The following MYO9A variants were observed in gnomAD, a reference collection of about 807,000 sequenced individuals.
The protein encoded by MYO9A is myosin IXA, also known as unconventional myosin-IXa.
In MYO9A, 103 loss-of-function variants were observed where a neutral mutation model predicts 293.3. That is an observed-to-expected ratio of 0.35 (90% CI 0.30 to 0.41). MYO9A has a LOEUF of 0.41. Among genes scored for constraint, MYO9A ranks in the 10% least tolerant of loss-of-function variants. The pLI is 1.00. For missense variants in MYO9A, 2,685 were observed against 3,033.0 expected, an observed-to-expected ratio of 0.89 and a Z score of 2.69; for synonymous variants, 1,001 against 1,035.7, an observed-to-expected ratio of 0.97 and a Z score of 0.64.
intron 1 of MYO9A, among the ~76,000 whole-genome samples, chr15:72,111,644 T>C (rs1207464034): frequency 6.6e-6 from 1 of 151,460 alleles, no homozygotes; most frequent in East Asian, 1.9e-4. Flanking sequence ...CCCAATTTTT[T>C]TTTTTTTTTT....
At chr15:71,933,573 G>T in intron 18 of MYO9A, 97 bp downstream of exon 18, 1 of 1,127,990 alleles carries the variant, frequency 8.9e-7, no homozygotes, top group Non-Finnish European at 1.3e-6. Flanking sequence ...TACAAATAAG[G>T]TTATTTCTTG....
At chr15:71,957,485 C>CTT (rs993991265) in intron 14 of MYO9A, among the ~76,000 whole-genome samples, 1 of 148,154 alleles carries the variant, frequency 6.7e-6, no homozygotes, top group African/African-American at 2.5e-5. Flanking sequence ...AAAAAAAGTC[C>CTT]TTTTTTTTTT....
At chr15:71,981,165 T>C (rs1324987401) in intron 11 of MYO9A, among the ~76,000 whole-genome samples, 1 of 152,242 alleles carries the variant, frequency 6.6e-6, no homozygotes, top group Non-Finnish European at 1.5e-5. Context: ...ATTATCCTTT[T>C]GTACATATTG....
At chr15:71,913,145 G>A (rs1219309900) in intron 19 of MYO9A, among the ~76,000 whole-genome samples, 16 of 151,866 alleles carry the variant, frequency 1.1e-4, no homozygotes. Context: ...TGCTCCATAA[G>A]TTATTGCTAT....
intron 33 of MYO9A, among the ~76,000 whole-genome samples, chr15:71,861,689 A>AAT (rs2056135065): frequency 7.0e-6 from 1 of 142,596 alleles, no homozygotes; most frequent in African/African-American, 2.8e-5. Flanking sequence ...TAAAAAAAAA[A>AAT]AAAAAAAAAA....
At chr15:71,912,265 T>G (rs967472898) in intron 19 of MYO9A, among the ~76,000 whole-genome samples, 17 of 152,114 alleles carry the variant, frequency 1.1e-4, no homozygotes, top group African/African-American at 4.1e-4. Flanking sequence ...AAAGTTTTTT[T>G]TTTTTTTCTT....
chr15:71,932,286 T>G (rs550889257), intron 18 of MYO9A, among the ~76,000 whole-genome samples: 1 of 152,224 alleles, frequency 6.6e-6, no homozygotes, highest in Admixed American at 6.5e-5. Context: ...GTGGGCCCAC[T>G]GAATGCCCAT....
intron 12 of MYO9A, among the ~76,000 whole-genome samples, chr15:71,975,535 C>T (rs1183532955): frequency 6.6e-6 from 1 of 151,464 alleles, no homozygotes; most frequent in Admixed American, 6.6e-5. Flanking sequence ...CACAGGAGTG[C>T]TTTAGGTCTC....
intron 19 of MYO9A, 63 bp from the exon 20 acceptor site, chr15:71,905,069 T>A: frequency 7.2e-7 from 1 of 1,394,384 alleles, no homozygotes; most frequent in South Asian, 1.4e-5. Context: ...AAATAATTTA[T>A]AACTATAATC....
intron 27 of MYO9A, among the ~76,000 whole-genome samples, chr15:71,885,225 C>A (rs1164685638): frequency 6.6e-6 from 1 of 151,748 alleles, no homozygotes; most frequent in East Asian, 1.9e-4. Context: ...AAACATGTGC[C>A]CCCAAAAGAA....
intron 1 of MYO9A, among the ~76,000 whole-genome samples, chr15:72,053,494 A>T (rs891902955): frequency 6.6e-6 from 1 of 152,234 alleles, no homozygotes; most frequent in African/African-American, 2.4e-5. Flanking sequence ...AAAGAATGAG[A>T]TAATGTCCTT....
chr15:71,978,023 C>A, intron 12 of MYO9A, 148 bp downstream of exon 12: 1 of 878,088 alleles, frequency 1.1e-6, no homozygotes, highest in South Asian at 1.7e-5. Context: ...GGTGACAGAT[C>A]AAGACTCCGT....
At chr15:72,084,178 T>G (rs2079640046) in intron 1 of MYO9A, among the ~76,000 whole-genome samples, 1 of 152,222 alleles carries the variant, frequency 6.6e-6, no homozygotes, top group East Asian at 1.9e-4. Context: ...GGCGCTCCTG[T>G]GTTGGGTGCA....
intron 3 of MYO9A, 96 bp from the exon 4 acceptor site, chr15:72,027,889 C>G: frequency 3.3e-6 from 3 of 899,708 alleles, no homozygotes; most frequent in Non-Finnish European, 5.1e-6. Flanking sequence ...AGAATACTAT[C>G]CAGATCATTT....
intron 31 of MYO9A, 137 bp from the exon 32 acceptor site, chr15:71,875,975 C>T: frequency 2.3e-6 from 1 of 440,236 alleles, no homozygotes; most frequent in Non-Finnish European, 3.9e-6. Context: ...AGGAACTGTG[C>T]AGTGCTAATA....
At chr15:71,866,389 G>A (rs546741894) in intron 32 of MYO9A, among the ~76,000 whole-genome samples, 3 of 152,244 alleles carry the variant, frequency 2.0e-5, no homozygotes, top group South Asian at 4.1e-4. Context: ...ACATGACTGG[G>A]CATGGTGGTG....
chr15:71,901,373 T>C, intron 22 of MYO9A, 33 bp from the exon 23 acceptor site: 1 of 1,583,238 alleles, frequency 6.3e-7, no homozygotes, highest in Non-Finnish European at 8.6e-7. Flanking sequence ...GGAATGCAGC[T>C]TAAGAAGAAA....
intron 30 of MYO9A, 67 bp downstream of exon 30, chr15:71,879,654 T>G: frequency 2.5e-6 from 3 of 1,181,006 alleles, no homozygotes; most frequent in Non-Finnish European, 3.7e-6. Flanking sequence ...TTGTATTATC[T>G]TCTACAGCGC....
chr15:72,022,600 T>A (rs558867620), intron 4 of MYO9A, among the ~76,000 whole-genome samples: 89 of 152,164 alleles, frequency 5.8e-4, no homozygotes, highest in Admixed American at 1.1e-3. Flanking sequence ...CAGGTTGGAG[T>A]GCAGTGGCAT....
Sources: gnomAD v4.1 joint callset for allele counts (sites outside exome capture counted in the v4.1 genomes callset) on GRCh38, gnomAD v4.1.1 for gene constraint, MANE v1.5 for transcripts, NCBI Gene and HGNC (gene_info 2026-07-23, HGNC 2026-07-21) for gene names.